Variants in GC observed in about 807,000 individuals in gnomAD.
The protein encoded by GC is vitamin D-binding protein.
In GC, 43 loss-of-function variants were observed where a neutral mutation model predicts 56.7. That is an observed-to-expected ratio of 0.76 (90% CI 0.59 to 0.98). The LOEUF (loss-of-function observed/expected upper bound fraction) is 0.98. Among genes scored for constraint, GC ranks in the 50% least tolerant of loss-of-function variants. GC has a pLI of 0.00. For synonymous variants in GC, 216 were observed against 202.7 expected, an observed-to-expected ratio of 1.07 and a Z score of -0.56; for missense variants, 529 against 545.9, an observed-to-expected ratio of 0.97 and a Z score of 0.31.
At chr4:71,775,299 T>C (rs1578308434) in intron 1 of GC, among the ~76,000 whole-genome samples, 1 of 151,938 alleles carries the variant, frequency 6.6e-6, no homozygotes, top group African/African-American at 2.4e-5. Context: ...CCTGGCACAA[T>C]TCTGGACATT....
chr4:71,763,631 C>T (rs1742058067), intron 5 of GC, 129 bp from the exon 6 acceptor site: 2 of 749,240 alleles, frequency 2.7e-6, no homozygotes, highest in South Asian at 1.9e-5. Context: ...GTGAAAGGAA[C>T]TTATTGATAT....
rs1009735189 is a variant in GC, at chr4:71,764,056, A to G, written c.474-120T>C. The G allele has an allele frequency of 4.6e-5, 33 of 725,268 alleles. No individual in the cohort carries two copies. In the African/African-American group the frequency reaches 5.2e-4, roughly 12 times the overall value. The allele number at this position is 725,268 out of a possible 1,614,324, so 44.9% of individuals were successfully genotyped here. A position where few individuals can be genotyped will look rare whatever the true frequency, so the allele number is the denominator to read the frequency against. On this transcript the variant is annotated intron_variant, in intron 4 of 12. Coordinates refer to ENST00000273951, the MANE Select transcript of GC (RefSeq NM_000583.4). ...GGAGTACATGGTATAATCATAGCTC[A>G]CTGCAGTCTCAACCTCCTGGCCTCA... is the stretch of plus-strand genomic sequence containing the variant.
rs377424679 is a variant in GC, at chr4:71,791,306, C to A, written c.22-7252G>T. Among the ~76,000 whole-genome samples the A allele has an allele frequency of 3.9e-5, 6 of 152,110 alleles. No individual in the cohort carries two copies. The East Asian group carries it at 5.8e-4, about 15-fold the overall frequency. On this transcript the variant is annotated intron_variant, in intron 1 of 13. Coordinates refer to the GC transcript ENST00000504199. ...TTTTTGCACTATAAACATGATTTTT[C>A]ATTATCTTCTGATAAGGAGTTGACA...
At chr4:71,791,663 A>T (rs1037303140) in intron 1 of GC, among the ~76,000 whole-genome samples, 1 of 151,534 alleles carries the variant, frequency 6.6e-6, no homozygotes, top group Middle Eastern at 3.2e-3. Flanking sequence ...TTTATACCTA[A>T]GTATTTCTTT....
intron 4 of GC, among the ~76,000 whole-genome samples, chr4:71,764,973 T>C (rs1443092919): frequency 4.6e-5 from 7 of 152,198 alleles, no homozygotes; most frequent in African/African-American, 1.4e-4. Context: ...AGATGTGTCA[T>C]ATTTACACGT....
intron 1 of GC, among the ~76,000 whole-genome samples, chr4:71,793,460 T>C (rs4519765): frequency 0.12 from 18,080 of 152,192 alleles, 1,475 homozygotes; most frequent in African/African-American, 0.23. Flanking sequence ...GCTCTCTGTT[T>C]ATTACTGGTG....
intron 1 of GC, among the ~76,000 whole-genome samples, chr4:71,791,661 T>TA (rs750263712): frequency 1.3e-5 from 2 of 151,954 alleles, no homozygotes; most frequent in Non-Finnish European, 2.9e-5. Context: ...GATTTATACC[T>TA]AAGTATTTCT....
intron 12 of GC, among the ~76,000 whole-genome samples, chr4:71,744,324 T>G (rs936932476): frequency 6.7e-6 from 1 of 149,094 alleles, no homozygotes; most frequent in Admixed American, 6.7e-5. Context: ...CTGGGCGTGG[T>G]GGCGGGCGCC....
At chr4:71,763,663 T>C (rs1235153365) in intron 5 of GC, 141 bp downstream of exon 5, 1 of 792,364 alleles carries the variant, frequency 1.3e-6, no homozygotes, top group East Asian at 2.5e-5. Context: ...AGGTATTACA[T>C]TTATTTTCCA....
At position 71,796,604 on chromosome 4, in the gene GC, A is replaced by G. The variant is rs375571549; in HGVS notation, c.21+7322T>C. ...GTTTTGAGCTTCCTTGTGATGGGTTAGAACATGCTCCTTTAGTTTGGTGAA... is the reference window on the plus strand; with the variant it reads ...GTTTTGAGCTTCCTTGTGATGGGTTGGAACATGCTCCTTTAGTTTGGTGAA... On this transcript the variant is annotated intron_variant, in intron 1 of 13. Coordinates refer to the GC transcript ENST00000504199. Among the ~76,000 whole-genome samples, 14 of 152,286 alleles carry G rather than the reference A, an allele frequency of 9.2e-5. No homozygotes were observed. The East Asian group carries it at 2.1e-3, about 23-fold the overall frequency.
chr4:71,753,130 T>C (rs1741609355), intron 10 of GC, among the ~76,000 whole-genome samples: 1 of 152,180 alleles, frequency 6.6e-6, no homozygotes, highest in African/African-American at 2.4e-5. Flanking sequence ...AAATTTTCGC[T>C]CTTATTTTTA....
chr4:71,773,654 G>T (rs185409397), intron 1 of GC, among the ~76,000 whole-genome samples: 5 of 151,964 alleles, frequency 3.3e-5, no homozygotes, highest in Admixed American at 1.3e-4. Context: ...ACCTAATTTG[G>T]CTCCCTAGAA....
At chr4:71,790,506 G>A (rs956707248) in intron 1 of GC, among the ~76,000 whole-genome samples, 4 of 151,688 alleles carry the variant, frequency 2.6e-5, no homozygotes, top group African/African-American at 7.3e-5. Context: ...AATTGGTTTT[G>A]AATGTACATT....
intron 1 of GC, among the ~76,000 whole-genome samples, chr4:71,792,902 A>G (rs2149309319): frequency 6.6e-6 from 1 of 152,298 alleles, no homozygotes; most frequent in East Asian, 1.9e-4. Context: ...TCCCAGCACC[A>G]TTTATTAACT....
chr4:71,744,152 A>G (rs1741274289), intron 12 of GC, among the ~76,000 whole-genome samples: 1 of 152,034 alleles, frequency 6.6e-6, no homozygotes, highest in African/African-American at 2.4e-5. Context: ...AGCATCAAAA[A>G]TACTTCTGGG....
At chr4:71,778,772 T>C (rs1742582586) in intron 1 of GC, among the ~76,000 whole-genome samples, 1 of 151,808 alleles carries the variant, frequency 6.6e-6, no homozygotes, top group East Asian at 1.9e-4. Flanking sequence ...GGATTTGAAT[T>C]CCTGCTACCC....
At chr4:71,772,199 A>G (rs1257473410) in intron 1 of GC, among the ~76,000 whole-genome samples, 4 of 152,076 alleles carry the variant, frequency 2.6e-5, no homozygotes. Context: ...TATAAGGAAT[A>G]TTTTTTCCCA....
At chr4:71,792,713 T>C (rs1320313679) in intron 1 of GC, among the ~76,000 whole-genome samples, 1 of 152,222 alleles carries the variant, frequency 6.6e-6, no homozygotes, top group African/African-American at 2.4e-5. Flanking sequence ...GCTTTTGGTG[T>C]TTTAGTCATA....
chr4:71,756,845 G>T lies in GC; in HGVS notation c.901C>A (p.Gln301Lys), dbSNP rs78967618. ...AAAACGTCCATGGCTGTTTTTTCTTGACAACAGTCTTCAAACTTAGAATTC... is the reference window on the plus strand; with the variant it reads ...AAAACGTCCATGGCTGTTTTTTCTTTACAACAGTCTTCAAACTTAGAATTC... ...TKNSKFEDCC[Q>K]EKTAMDVFVC... The change falls in exon 8 of 13, where the codon CAA becomes AAA. Residue 301 changes from glutamine (Q) to lysine (K), a missense_variant. By Grantham distance (53) the Gln-to-Lys change is moderately conservative. Coordinates refer to ENST00000273951, the MANE Select transcript of GC (RefSeq NM_000583.4). 1 of 1,613,242 alleles carries T rather than the reference G, an allele frequency of 6.2e-7. No individual in the cohort carries two copies. Among genetic ancestry groups the T allele is most frequent in the Non-Finnish European group, 8.5e-7 (1 of 1,179,232 alleles).
Sources: allele counts gnomAD v4.1 joint callset (sites outside exome capture counted in the v4.1 genomes callset), GRCh38; gene constraint gnomAD v4.1.1; transcripts MANE v1.5; gene names NCBI Gene and HGNC (gene_info 2026-07-23, HGNC 2026-07-21).